ZNF546: variants seen among roughly 807,000 people sequenced by gnomAD.
The protein encoded by ZNF546 is zinc finger protein 546, also known as CTC-471F3.6.
In ZNF546, 60 loss-of-function variants were observed where a neutral mutation model predicts 76.2. That is an observed-to-expected ratio of 0.79 (90% CI 0.64 to 0.98). The LOEUF (loss-of-function observed/expected upper bound fraction) is 0.98. Ranked by LOEUF, ZNF546 falls within the 50% of genes least tolerant of loss-of-function variation. The probability of loss-of-function intolerance (pLI) is 0.00; values close to 1 mark genes in which losing one functional copy is unlikely to be tolerated. For missense variants in ZNF546, 936 were observed against 1,035.6 expected, an observed-to-expected ratio of 0.90 and a Z score of 1.32; for synonymous variants, 277 against 328.1, an observed-to-expected ratio of 0.84 and a Z score of 1.68.
In ZNF546 at chr19:40,007,388, C is replaced by A. The variant is rs1263372568; in HGVS notation, c.286C>A (p.Leu96Met). ...KDVMLENYSN[L>M]VSLGYTIPKP... ...TGTGATGTTGGAGAACTACAGCAAC[C>A]TGGTCTCACTGGGTAAGGTATCTTT... Residue 96 changes from leucine (L) to methionine (M), a missense_variant, in exon 5 of 7, where the codon CTG (leucine) becomes ATG (methionine). By Grantham distance (15) the Leu-to-Met change is conservative (BLOSUM62 2). Coordinates refer to ENST00000347077, the MANE Select transcript of ZNF546 (RefSeq NM_178544.5). 6.3e-7 allele frequency: 1 copy of A among 1,597,018 alleles called. No individual in the cohort carries two copies. Among genetic ancestry groups the A allele is most frequent in the Non-Finnish European group, 8.5e-7 (1 of 1,171,706 alleles).
rs1971747860 is a variant in ZNF546, at chr19:40,015,336, G to A, written c.2066G>A (p.Gly689Asp). The A allele has an allele frequency of 1.9e-6, 3 of 1,614,176 alleles. No individual in the cohort carries two copies. Among genetic ancestry groups the A allele is most frequent in the Non-Finnish European group, 2.5e-6 (3 of 1,180,036 alleles). The change falls in exon 7 of 7, where the codon GGT (glycine) becomes GAT (aspartate). Residue 689 changes from glycine (G) to aspartate (D), a missense_variant. Transcript: ENST00000347077. ...ACTCAACATCACAGAGGCCATACTG[G>A]TGAGAAGCCCTACATATGTAATGAA... is the stretch of plus-strand genomic sequence containing the variant. ...HLTQHHRGHT[G>D]EKPYICNECG...
At position 40,019,505 on chromosome 19, in the gene ZNF546, A is replaced by G. The variant is rs1269650992; in HGVS notation, c.*3724A>G. 6.6e-6 allele frequency: 1 copy of G among 152,216 alleles called. No individual in the cohort carries two copies. Among genetic ancestry groups the G allele is most frequent in the Non-Finnish European group, 1.5e-5 (1 of 68,012 alleles). 9.4% of individuals were successfully genotyped at this position (152,216 alleles called of 1,614,324 possible). ...TACTTGATTTTAGTATAGCTAATCA[A>G]AGGAAAAAGATAATTACAGCATTGT... On this transcript the variant is annotated 3_prime_UTR_variant, in exon 7 of 7. Coordinates refer to ENST00000347077, the MANE Select transcript of ZNF546 (RefSeq NM_178544.5).
chr19:40,000,615 CAAAAAAA>C (rs550470156), intron 3 of ZNF546, among the ~76,000 whole-genome samples: 17 of 56,792 alleles, frequency 3.0e-4, no homozygotes, highest in African/African-American at 1.0e-3. Flanking sequence ...GACTCTGTCT[CAAAAAAA>C]AAAAAAAAAA....
rs1306019723 is a variant in ZNF546 at position 40,003,192 on chromosome 19, C to T, written c.85-2904C>T. On this transcript the variant is annotated intron_variant, in intron 3 of 6. Coordinates refer to ENST00000347077, the MANE Select transcript of ZNF546 (RefSeq NM_178544.5). ...CTGGGACTACAGGCGCCTGCCACCA[C>T]GCCTGGCTAATTTTTTTTGTATTTT... Among the ~76,000 whole-genome samples the T allele has an allele frequency of 3.3e-5, 5 of 152,038 alleles. No homozygotes were observed. The East Asian group carries it at 5.8e-4, about 18-fold the overall frequency.
chr19:40,016,673 C>T lies in ZNF546; in HGVS notation c.*892C>T, dbSNP rs532777944. The T allele has an allele frequency of 6.6e-6, 1 of 152,286 alleles. No individual in the cohort carries two copies. The highest frequency in any genetic ancestry group is 1.5e-5 in the Non-Finnish European group (1 of 68,028). The allele number at this position is 152,286 out of a possible 1,614,324, so 9.4% of individuals were successfully genotyped here. ...AAATACTTGCTCTTGGTATCTATAA[C>T]TTTTGCAGAGACCAGAAGCAAACAA... On this transcript the variant is annotated 3_prime_UTR_variant, in exon 7 of 7. Coordinates refer to ENST00000347077, the MANE Select transcript of ZNF546 (RefSeq NM_178544.5).
intron 3 of ZNF546, among the ~76,000 whole-genome samples, chr19:40,000,061 G>T (rs1180129368): frequency 6.6e-6 from 1 of 152,186 alleles, no homozygotes; most frequent in Non-Finnish European, 1.5e-5. Context: ...TTATAACTCT[G>T]TGCACATAGG....
chr19:40,016,006 T>G lies in ZNF546; in HGVS notation c.*225T>G. 1 of 541,050 alleles carries G rather than the reference T, an allele frequency of 1.8e-6. No homozygotes were observed. The highest frequency in any genetic ancestry group is 3.3e-6 in the Non-Finnish European group (1 of 303,430). The allele number at this position is 541,050 out of a possible 1,614,324, so 33.5% of individuals were successfully genotyped here. ...ACTGCATCCCAAACCATCAAGGGCC[T>G]TTTCCCCTACAAACTGTTGTTGAAC... On this transcript the variant is annotated 3_prime_UTR_variant, in exon 7 of 7. Transcript: ENST00000347077.
intron 4 of ZNF546, among the ~76,000 whole-genome samples, chr19:40,006,673 A>G (rs1336308369): frequency 6.6e-6 from 1 of 152,202 alleles, no homozygotes; most frequent in African/African-American, 2.4e-5. Context: ...AAGATCCTCC[A>G]ATCCCTAATG....
chr19:40,000,036 C>T (rs952796530), intron 3 of ZNF546, among the ~76,000 whole-genome samples: 1 of 152,194 alleles, frequency 6.6e-6, no homozygotes, highest in African/African-American at 2.4e-5. Flanking sequence ...CTAATTCTCC[C>T]TAACCATAGC....
In ZNF546 at chr19:40,014,708, T is replaced by G. The variant is rs1378701987; in HGVS notation, c.1438T>G (p.Cys480Gly). ...TAAGGAATGTGGGAAGGCCTTTATT[T>G]GTGGTTATCAACTTACTTTACATCT... The part of the protein sequence containing the change: ...ECKECGKAFI[C>G]GYQLTLHLRT... Residue 480 changes from cysteine (C) to glycine (G), a missense_variant, in exon 7 of 7, where the codon TGT becomes GGT. By Grantham distance (159) the Cys-to-Gly change is radical (BLOSUM62 -3). Coordinates refer to ENST00000347077, the MANE Select transcript of ZNF546 (RefSeq NM_178544.5). 6.3e-7 allele frequency: 1 copy of G among 1,597,128 alleles called. No homozygotes were observed. The highest frequency in any genetic ancestry group is 1.4e-5 in the African/African-American group (1 of 70,018).
Position 40,015,562 on chromosome 19 carries a change from T to TA in ZNF546, c.2293dup (p.Thr765AsnfsTer10). ...ATGCCTTTCGTCTTCAAGCAGAACT[T>TA]ACTCGACATCACATAGTTCACACGG... On this transcript the variant is annotated frameshift_variant, in exon 7 of 7. Coordinates refer to ENST00000347077, the MANE Select transcript of ZNF546 (RefSeq NM_178544.5). LOFTEE classifies it high-confidence loss of function. 3.7e-6 allele frequency: 6 copies of TA among 1,614,102 alleles called. No homozygotes were observed. The highest frequency in any genetic ancestry group is 5.1e-6 in the Non-Finnish European group (6 of 1,180,022).
At chr19:40,004,353 C>T (rs183285637) in intron 3 of ZNF546, among the ~76,000 whole-genome samples, 431 of 152,008 alleles carry the variant, frequency 2.8e-3, no homozygotes, top group African/African-American at 9.6e-3. Context: ...CTGCAACCTC[C>T]ACCTCCTGGG....
In ZNF546 at chr19:40,014,981, C is replaced by G; in HGVS notation, c.1711C>G (p.His571Asp). ...TATTCATAGCAATCAATTTATTTCA[C>G]ACCAGCGAATTCACACCAGTGAGAG... Reference protein sequence around the residue: ...AFIHSNQFISHQRIHTSESTY... With the variant: ...AFIHSNQFISDQRIHTSESTY... The change falls in exon 7 of 7, where the codon CAC becomes GAC. Residue 571 changes from histidine to aspartate, a missense_variant. By Grantham distance (81) the His-to-Asp change is moderately conservative (BLOSUM62 -1). Coordinates refer to ENST00000347077, the MANE Select transcript of ZNF546 (RefSeq NM_178544.5). The G allele has an allele frequency of 6.2e-7, 1 of 1,614,052 alleles. No individual in the cohort carries two copies. Among genetic ancestry groups the G allele is most frequent in the African/African-American group, 1.3e-5 (1 of 75,016 alleles).
chr19:40,001,553 G>T (rs1277908235), intron 3 of ZNF546, among the ~76,000 whole-genome samples: 1 of 151,862 alleles, frequency 6.6e-6, no homozygotes, highest in African/African-American at 2.4e-5. Flanking sequence ...GTAGAGACGG[G>T]GTTTCACCAT....
In ZNF546 at chr19:40,015,150, A is replaced by G; in HGVS notation, c.1880A>G (p.His627Arg). ...CGATTTCAAACAGAACTTACTCAGC[A>G]TCACAGAATTCATACTGGTGAAAAA... is the stretch of plus-strand genomic sequence containing the variant. ...AFRFQTELTQ[H>R]HRIHTGEKPY... The change falls in exon 7 of 7, where the codon CAT becomes CGT. Residue 627 changes from histidine to arginine, a missense_variant. Physicochemically the swap from His to Arg is conservative, Grantham distance 29 (BLOSUM62 0). Transcript: ENST00000347077. 6.2e-7 allele frequency: 1 copy of G among 1,614,138 alleles called. No homozygotes were observed. Among genetic ancestry groups the G allele is most frequent in the Non-Finnish European group, 8.5e-7 (1 of 1,180,028 alleles).
intron 1 of ZNF546, 118 bp from the exon 2 acceptor site, chr19:39,997,743 G>A (rs761269817): frequency 1.2e-4 from 19 of 152,990 alleles, no homozygotes; most frequent in Admixed American, 6.5e-4. Flanking sequence ...TGTTATGTGC[G>A]TGAGGTCAGC....
chr19:40,015,246 A>G lies in ZNF546; in HGVS notation c.1976A>G (p.His659Arg), dbSNP rs1394113634. Residue 659 changes from histidine to arginine, a missense_variant, in exon 7 of 7, where the codon CAT becomes CGT. His to Arg is a conservative substitution (Grantham distance 29). Transcript: ENST00000347077. ...CATCTCACGCAACATCACAGAATTC[A>G]TACTGGTGAGAAACCCTACGAATGT... Reference protein sequence around the residue: ...STHLTQHHRIHTGEKPYECTE... With the variant: ...STHLTQHHRIRTGEKPYECTE... 1.2e-6 allele frequency: 2 copies of G among 1,614,138 alleles called. No homozygotes were observed. Among genetic ancestry groups the G allele is most frequent in the East Asian group, 2.2e-5 (1 of 44,868 alleles).
In ZNF546 at chr19:40,014,891, A is replaced by C. The variant is rs778867632; in HGVS notation, c.1621A>C (p.Thr541Pro). The change falls in exon 7 of 7, where the codon ACC becomes CCC. Residue 541 changes from threonine to proline, a missense_variant. Thr to Pro is a conservative substitution (Grantham distance 38, BLOSUM62 -1). Coordinates refer to ENST00000347077, the MANE Select transcript of ZNF546 (RefSeq NM_178544.5). ...GKAFRLQGEL[T>P]RHHRIHTCEK... The stretch of plus-strand genomic sequence containing the variant: ...AGCCTTTCGTCTTCAAGGAGAACTT[A>C]CCCGACATCACAGAATTCATACATG... 2 of 1,613,900 alleles carry C rather than the reference A, an allele frequency of 1.2e-6. No homozygotes were observed. Among genetic ancestry groups the C allele is most frequent in the Admixed American group, 3.3e-5 (2 of 60,014 alleles).
intron 3 of ZNF546, among the ~76,000 whole-genome samples, chr19:40,003,033 CTTT>C (rs577843773): frequency 0.13 from 13,437 of 106,612 alleles, 1,275 homozygotes; most frequent in African/African-American, 0.37. Context: ...TTTGATTTAA[CTTT>C]TTTTTTTTTT....
Sources: allele counts gnomAD v4.1 joint callset (sites outside exome capture counted in the v4.1 genomes callset), GRCh38; gene constraint gnomAD v4.1.1; transcripts MANE v1.5; gene names NCBI Gene and HGNC (gene_info 2026-07-23, HGNC 2026-07-21).